Variants in CYP46A1 observed in about 807,000 individuals in gnomAD.
CYP46A1 encodes cytochrome P450 family 46 subfamily A member 1.
Under a neutral mutation model 63.3 loss-of-function variants are expected in CYP46A1, and 20 were observed. That is an observed-to-expected ratio of 0.32 (90% confidence interval 0.22 to 0.46). CYP46A1 has a LOEUF of 0.46. Among genes scored for constraint, CYP46A1 ranks in the 20% least tolerant of loss-of-function variants. CYP46A1 has a pLI of 1.00. For missense variants in CYP46A1, 445 were observed against 670.8 expected (o/e 0.66, Z 3.72); for synonymous variants, 268 against 273.6 (o/e 0.98, Z 0.20).
At position 99,726,317 on chromosome 14, in the gene CYP46A1, G is replaced by C. The variant is rs2056896963; in HGVS notation, c.1332+61G>C. The C allele has an allele frequency of 3.5e-5, 55 of 1,558,160 alleles. 2 individuals are homozygous for C. In the South Asian group the frequency reaches 6.2e-4, roughly 18 times the overall value. On this transcript the variant is annotated intron_variant, in intron 14 of 14. Transcript: ENST00000261835. ...AGCTGCAGGGGTGGGGGCTCATCCT[G>C]AGCCGGGAAGCATCTCCGAACCCCT...
intron 3 of CYP46A1, among the ~76,000 whole-genome samples, chr14:99,696,283 G>A (rs972534911): frequency 1.3e-5 from 2 of 151,890 alleles, no homozygotes; most frequent in Admixed American, 1.3e-4. Context: ...TTGATTGATT[G>A]ATCGATTGAG....
chr14:99,684,626 G>C (rs1190577688), intron 1 of CYP46A1, 90 bp downstream of exon 1: 1 of 1,191,286 alleles, frequency 8.4e-7, no homozygotes, highest in Admixed American at 2.3e-5. Context: ...CCGGGGGTCC[G>C]GCCTCGCCTA....
intron 7 of CYP46A1, among the ~76,000 whole-genome samples, chr14:99,713,752 GC>G (rs1049258060): frequency 1.3e-5 from 2 of 151,096 alleles, no homozygotes; most frequent in African/African-American, 4.9e-5. Context: ...ACAAAAATTA[GC>G]CAGGCATGGT....
chr14:99,726,346 C>G (rs1431913149), intron 14 of CYP46A1, 90 bp downstream of exon 14: 5 of 1,085,222 alleles, frequency 4.6e-6, no homozygotes, highest in Non-Finnish European at 6.6e-6. Flanking sequence ...AACCCCTGCT[C>G]TGGGGCTGCT....
intron 7 of CYP46A1, chr14:99,709,493 C>T (rs1043908562): frequency 5.9e-5 from 9 of 151,926 alleles, no homozygotes; most frequent in Admixed American, 2.0e-4. Flanking sequence ...TTGAAGCAAC[C>T]CAATCAGACC....
chr14:99,726,129 A>G (rs1040172525), intron 13 of CYP46A1, 61 bp from the exon 14 acceptor site: 1 of 1,451,764 alleles, frequency 6.9e-7, no homozygotes, highest in East Asian at 2.3e-5. Flanking sequence ...TGTCTTCCTT[A>G]TGTTGTTCCT....
intron 3 of CYP46A1, 86 bp downstream of exon 3, chr14:99,691,947 G>A: frequency 7.4e-7 from 1 of 1,354,668 alleles, no homozygotes; most frequent in South Asian, 1.2e-5. Flanking sequence ...GACTTTGGAT[G>A]AATGTTCCAG....
intron 9 of CYP46A1, among the ~76,000 whole-genome samples, chr14:99,717,068 C>T (rs1313179418): frequency 6.6e-6 from 1 of 152,118 alleles, no homozygotes; most frequent in Admixed American, 6.5e-5. Context: ...GGCTGCAGGG[C>T]GCCATTCCCT....
At chr14:99,699,964 C>T (rs774202789) in intron 4 of CYP46A1, 51 bp from the exon 5 acceptor site, 4 of 773,852 alleles carry the variant, frequency 5.2e-6, no homozygotes, top group South Asian at 1.7e-5. Flanking sequence ...ATCAAGCAGT[C>T]GCTCCCCACC....
At chr14:99,721,461 C>T (rs1339132407) in intron 11 of CYP46A1, 138 bp downstream of exon 11, 5 of 672,340 alleles carry the variant, frequency 7.4e-6, no homozygotes, top group Non-Finnish European at 1.3e-5. Flanking sequence ...TTAAAGTATC[C>T]TGAGGCCCAG....
chr14:99,709,528 C>G (rs1345721345), intron 7 of CYP46A1: 1 of 152,130 alleles, frequency 6.6e-6, no homozygotes, highest in South Asian at 2.1e-4. Flanking sequence ...TTGAAGAAAG[C>G]CTTTGTGACA....
At chr14:99,720,984 C>A (rs4905884) in intron 10 of CYP46A1, among the ~76,000 whole-genome samples, 11,191 of 152,110 alleles carry the variant, frequency 0.074, 447 homozygotes, top group East Asian at 0.15. Flanking sequence ...ACTTGGGAGG[C>A]TGAGGCGGGA....
intron 7 of CYP46A1, chr14:99,709,969 T>C (rs1344635246): frequency 2.0e-5 from 3 of 152,210 alleles, no homozygotes; most frequent in African/African-American, 7.2e-5. Context: ...AAGATTATAG[T>C]ACCCAGTAAT....
At chr14:99,704,309 A>C (rs2056656806) in intron 5 of CYP46A1, among the ~76,000 whole-genome samples, 1 of 152,226 alleles carries the variant, frequency 6.6e-6, no homozygotes, top group Non-Finnish European at 1.5e-5. Flanking sequence ...GTTCTATAGT[A>C]AATGCCAAAT....
At chr14:99,695,145 A>G (rs566252392) in intron 3 of CYP46A1, among the ~76,000 whole-genome samples, 2 of 152,324 alleles carry the variant, frequency 1.3e-5, no homozygotes, top group South Asian at 4.1e-4. Flanking sequence ...GTAAAGTCAG[A>G]GAGAATACTC....
intron 1 of CYP46A1, among the ~76,000 whole-genome samples, chr14:99,685,096 CCA>C (rs199715137): frequency 0.37 from 12,283 of 32,950 alleles, 2,548 homozygotes; most frequent in South Asian, 0.45. Context: ...CAACCCCCCC[CCA>C]CCCCCAGCTT....
intron 5 of CYP46A1, among the ~76,000 whole-genome samples, chr14:99,705,279 C>G (rs2056665956): frequency 6.6e-6 from 1 of 152,220 alleles, no homozygotes; most frequent in African/African-American, 2.4e-5. Flanking sequence ...GTGACCATAG[C>G]TTACTCTAAC....
chr14:99,717,295 A>G (rs1302097658), intron 9 of CYP46A1, among the ~76,000 whole-genome samples: 1 of 152,106 alleles, frequency 6.6e-6, no homozygotes, highest in Non-Finnish European at 1.5e-5. Flanking sequence ...CCCTGCGTCC[A>G]GATGCTATGG....
At chr14:99,709,017 C>A (rs1037040176) in intron 7 of CYP46A1, 3 of 152,042 alleles carry the variant, frequency 2.0e-5, no homozygotes, top group African/African-American at 7.3e-5. Context: ...ATAATCAAGC[C>A]AAAGCACCCT....
Sources: allele counts gnomAD v4.1 joint callset (sites outside exome capture counted in the v4.1 genomes callset), GRCh38; gene constraint gnomAD v4.1.1; transcripts MANE v1.5; gene names NCBI Gene and HGNC (gene_info 2026-07-23, HGNC 2026-07-21).